MYOM2: variants seen among roughly 807,000 people sequenced by gnomAD.
MYOM2 encodes the protein myomesin-2.
In MYOM2, 254 loss-of-function variants were observed where a neutral mutation model predicts 187.6. The ratio of observed to expected loss-of-function variants is 1.35; its 90% confidence interval spans 1.22 to 1.50. The LOEUF (loss-of-function observed/expected upper bound fraction) is 1.50, where lower values mean the gene tolerates loss of function less well. Among genes scored for constraint, MYOM2 ranks in the 40% most tolerant of loss-of-function variants. The probability of loss-of-function intolerance (pLI) is 0.00; values close to 1 mark genes in which losing one functional copy is unlikely to be tolerated. For synonymous variants in MYOM2, 981 were observed against 753.8 expected (o/e 1.30, Z -4.94); for missense variants, 2,796 against 1,924.0 (o/e 1.45, Z -8.48).
chr8:2,088,384 C>G (rs903689345), intron 14 of MYOM2, among the ~76,000 whole-genome samples: 1 of 152,174 alleles, frequency 6.6e-6, no homozygotes, highest in Non-Finnish European at 1.5e-5. Flanking sequence ...ATCTCGTCAC[C>G]CAGGTAGTGA....
At chr8:2,066,096 G>A (rs1220072453) in intron 6 of MYOM2, among the ~76,000 whole-genome samples, 1 of 152,202 alleles carries the variant, frequency 6.6e-6, no homozygotes, top group Non-Finnish European at 1.5e-5. Context: ...CCTCACTGAG[G>A]AACTGGTCAT....
At chr8:2,136,611 C>T (rs867825034) in intron 32 of MYOM2, among the ~76,000 whole-genome samples, 1 of 150,876 alleles carries the variant, frequency 6.6e-6, no homozygotes, top group Admixed American at 6.6e-5. Flanking sequence ...CAGCATGAGG[C>T]CAGTGAAGCA....
rs1192804207 is a variant in MYOM2 at position 2,086,359 on chromosome 8, C to T, written c.1644+969C>T. The stretch of plus-strand genomic sequence containing the variant: ...CCCACTGTTGTGATCTCTGCGTGGC[C>T]TCCCACTGTTGTGATCTCTGCGTGG... On this transcript the variant is annotated intron_variant, in intron 14 of 36. Transcript: ENST00000262113. Among the ~76,000 whole-genome samples, 5 of 42,114 alleles carry T rather than the reference C, an allele frequency of 1.2e-4. 1 individual carries two copies. Among genetic ancestry groups the T allele is most frequent in the African/African-American group, 3.7e-4 (3 of 8,164 alleles). The allele number at this position is 42,114 out of a possible 152,430, so 27.6% of individuals were successfully genotyped here. A position where few individuals can be genotyped will look rare whatever the true frequency, so the allele number is the denominator to read the frequency against.
At chr8:2,058,309 C>T (rs529219794) in intron 5 of MYOM2, among the ~76,000 whole-genome samples, 7 of 152,194 alleles carry the variant, frequency 4.6e-5, no homozygotes, top group African/African-American at 1.2e-4. Context: ...ATGAGCCACA[C>T]GCCTGACCAG....
intron 9 of MYOM2, among the ~76,000 whole-genome samples, chr8:2,073,129 C>A (rs1466783836): frequency 1.3e-5 from 2 of 152,208 alleles, no homozygotes; most frequent in Non-Finnish European, 2.9e-5. Flanking sequence ...ACTCAAGTGG[C>A]AGCCTGTGTT....
intron 21 of MYOM2, among the ~76,000 whole-genome samples, chr8:2,105,328 G>T (rs1249211116): frequency 6.6e-6 from 1 of 152,120 alleles, no homozygotes; most frequent in African/African-American, 2.4e-5. Context: ...ACACTTCATG[G>T]CCTCAGTTCC....
Position 2,059,780 on chromosome 8 carries a change from T to C in MYOM2, c.653+535T>C, listed in dbSNP as rs970006982. Among the ~76,000 whole-genome samples, 3 of 149,294 alleles carry C rather than the reference T, an allele frequency of 2.0e-5. No homozygotes were observed. In the Admixed American group the frequency reaches 2.0e-4, roughly 10 times the overall value. On this transcript the variant is annotated intron_variant, in intron 6 of 36. Transcript: ENST00000262113. ...TTTTTGAGGCAGAGTTTCGCTCTTG[T>C]TGCCCAGGCTGGAGTGCAATGGCAT... is the stretch of plus-strand genomic sequence containing the variant.
intron 6 of MYOM2, among the ~76,000 whole-genome samples, chr8:2,061,174 G>T: frequency 6.6e-6 from 1 of 151,798 alleles, no homozygotes; most frequent in African/African-American, 2.4e-5. Flanking sequence ...AGCTGTCTCC[G>T]GTTTAGTGAG....
At position 2,100,069 on chromosome 8, in the gene MYOM2, TTTCCTTCCTTTCTTCTTTCCTTCC is replaced by T. The variant is rs1796636774; in HGVS notation, c.2441-796_2441-773del. ...CCTTCTTTCCTTCCTTCCTTCCTTC[TTTCCTTCCTTTCTTCTTTCCTTCC>T]TTCCTTCCTTCCTTCTTTCTTTCCT... On this transcript the variant is annotated intron_variant, in intron 19 of 36. Coordinates refer to ENST00000262113, the MANE Select transcript of MYOM2 (RefSeq NM_003970.4). 3.8e-4 allele frequency among the ~76,000 whole-genome samples: 27 copies of T among 70,556 alleles called. No homozygotes were observed. The East Asian group carries it at 3.8e-3, about 10-fold the overall frequency. The allele number at this position is 70,556 out of a possible 152,430, so 46.3% of individuals were successfully genotyped here. A position where few individuals can be genotyped will look rare whatever the true frequency, so the allele number is the denominator to read the frequency against.
intron 1 of MYOM2, among the ~76,000 whole-genome samples, chr8:2,046,700 A>G (rs1224265282): frequency 1.3e-5 from 2 of 151,744 alleles, no homozygotes; most frequent in Non-Finnish European, 2.9e-5. Context: ...CTCACATCAA[A>G]AACTACCCTG....
Position 2,090,134 on chromosome 8 carries a change from C to A in MYOM2, c.1771C>A (p.His591Asn). ...GTTCCGAGTGCTGTCAGCAAACCGG[C>A]ATGGCCTGAGCGAACCTTCGGAGAT... ...YVFRVLSANRHGLSEPSEITS... is the reference protein window; with the variant it reads ...YVFRVLSANRNGLSEPSEITS... The change falls in exon 15 of 37, where the codon CAT becomes AAT. Residue 591 changes from histidine to asparagine, a missense_variant. Transcript: ENST00000262113. 1 of 1,614,108 alleles carries A rather than the reference C, an allele frequency of 6.2e-7. No individual in the cohort carries two copies. The highest frequency in any genetic ancestry group is 8.5e-7 in the Non-Finnish European group (1 of 1,180,006).
At chr8:2,134,157 CT>C (rs1367258959) in intron 32 of MYOM2, among the ~76,000 whole-genome samples, 1 of 152,164 alleles carries the variant, frequency 6.6e-6, no homozygotes, top group Non-Finnish European at 1.5e-5. Flanking sequence ...CAGGAACGCC[CT>C]TTTGCATGTT....
chr8:2,064,384 C>G (rs994943560), intron 6 of MYOM2, among the ~76,000 whole-genome samples: 1 of 152,216 alleles, frequency 6.6e-6, no homozygotes, highest in Non-Finnish European at 1.5e-5. Context: ...TTACCCGTGC[C>G]CACCGTGGGG....
intron 3 of MYOM2, among the ~76,000 whole-genome samples, chr8:2,054,426 C>T (rs1383014874): frequency 6.6e-6 from 1 of 152,100 alleles, no homozygotes; most frequent in Non-Finnish European, 1.5e-5. Context: ...TCTTGCAAGC[C>T]ACCTGTCCCG....
intron 15 of MYOM2, 73 bp from the exon 16 acceptor site, chr8:2,092,273 G>A (rs1796330327): frequency 6.5e-7 from 1 of 1,529,372 alleles, no homozygotes; most frequent in Admixed American, 1.8e-5. Flanking sequence ...CTGTGAAAAG[G>A]GCCGGAAGAT....
chr8:2,141,151 A>T lies in MYOM2; in HGVS notation c.3975A>T (p.Glu1325Asp). Reference protein sequence around the residue: ...SLDLSGQAFDEAFAEFQQFKA... With the variant: ...SLDLSGQAFDDAFAEFQQFKA... ...ACTATTTCCTCACAGCTTTTGATGA[A>T]GCATTTGCAGAATTCCAGCAATTCA... The change falls in exon 34 of 37, where the codon GAA becomes GAT. Residue 1325 changes from glutamate (E) to aspartate (D), a missense_variant. By Grantham distance (45) the Glu-to-Asp change is conservative. Transcript: ENST00000262113. The T allele has an allele frequency of 6.2e-7, 1 of 1,612,106 alleles. No individual in the cohort carries two copies. Among genetic ancestry groups the T allele is most frequent in the Non-Finnish European group, 8.5e-7 (1 of 1,178,552 alleles).
At chr8:2,080,797 G>C (rs1179354390) in intron 13 of MYOM2, among the ~76,000 whole-genome samples, 3 of 152,224 alleles carry the variant, frequency 2.0e-5, no homozygotes, top group Non-Finnish European at 4.4e-5. Context: ...AGCCCGTGTA[G>C]AATGAGGTTG....
chr8:2,122,379 T>G (rs1312458877), intron 28 of MYOM2, among the ~76,000 whole-genome samples: 1 of 152,206 alleles, frequency 6.6e-6, no homozygotes, highest in East Asian at 1.9e-4. Context: ...AGCCATGCAC[T>G]TGGGGACAAG....
At chr8:2,061,931 G>A (rs1818863227) in intron 6 of MYOM2, among the ~76,000 whole-genome samples, 1 of 152,200 alleles carries the variant, frequency 6.6e-6, no homozygotes, top group Non-Finnish European at 1.5e-5. Flanking sequence ...GCATCAGGAG[G>A]CAATTGATGA....
Sources: allele counts gnomAD v4.1 joint callset (sites outside exome capture counted in the v4.1 genomes callset), GRCh38; gene constraint gnomAD v4.1.1; transcripts MANE v1.5; gene names NCBI Gene and HGNC (gene_info 2026-07-23, HGNC 2026-07-21).